NAALADL2: variants seen among roughly 807,000 people sequenced by gnomAD.
NAALADL2 encodes inactive N-acetylated-alpha-linked acidic dipeptidase-like protein 2.
Under a neutral mutation model 87.2 loss-of-function variants are expected in NAALADL2, and 76 were observed. That is an observed-to-expected ratio of 0.87 (90% CI 0.72 to 1.05). The LOEUF (loss-of-function observed/expected upper bound fraction) is 1.05. Ranked by LOEUF, NAALADL2 falls within the 50% of genes least tolerant of loss-of-function variation. The probability of loss-of-function intolerance (pLI) is 0.00; values close to 1 mark genes in which losing one functional copy is unlikely to be tolerated. For synonymous variants in NAALADL2, 354 were observed against 331.0 expected, an observed-to-expected ratio of 1.07 and a Z score of -0.75; for missense variants, 1,089 against 945.8, an observed-to-expected ratio of 1.15 and a Z score of -1.99.
intron 1 of NAALADL2, among the ~76,000 whole-genome samples, chr3:175,029,006 C>A (rs534444541): frequency 2.0e-5 from 3 of 148,910 alleles, no homozygotes; most frequent in South Asian, 4.2e-4. Context: ...ATTATGCAGT[C>A]TCTCCATGAA....
chr3:174,622,810 G>A (rs1297153174), intron 2 of NAALADL2, among the ~76,000 whole-genome samples: 1 of 152,182 alleles, frequency 6.6e-6, no homozygotes, highest in Non-Finnish European at 1.5e-5. Context: ...GGAGGCCGAG[G>A]CGGGCGAATC....
chr3:174,507,616 C>T (rs1458367396), intron 1 of NAALADL2, among the ~76,000 whole-genome samples: 2 of 135,612 alleles, frequency 1.5e-5, no homozygotes, highest in South Asian at 2.2e-4. Context: ...GATCTGCTTT[C>T]TACACAACAG....
At chr3:175,490,468 G>A (rs1444125411) in intron 9 of NAALADL2, among the ~76,000 whole-genome samples, 1 of 151,718 alleles carries the variant, frequency 6.6e-6, no homozygotes, top group Non-Finnish European at 1.5e-5. Context: ...CTCACTGCAA[G>A]CTCTGCCTCC....
At chr3:174,887,679 T>G (rs1286415984) in intron 1 of NAALADL2, among the ~76,000 whole-genome samples, 1 of 152,036 alleles carries the variant, frequency 6.6e-6, no homozygotes, top group African/African-American at 2.4e-5. Flanking sequence ...CACCTGTAGT[T>G]TCAGCTACTC....
chr3:175,184,371 A>G (rs1737025929), intron 2 of NAALADL2, among the ~76,000 whole-genome samples: 1 of 152,148 alleles, frequency 6.6e-6, no homozygotes, highest in South Asian at 2.1e-4. Flanking sequence ...AAATCTACAG[A>G]TAATGAACTA....
chr3:175,485,062 GT>G (rs1169463299), intron 9 of NAALADL2, among the ~76,000 whole-genome samples: 2 of 152,134 alleles, frequency 1.3e-5, no homozygotes, highest in African/African-American at 2.4e-5. Flanking sequence ...AGTGATCCTG[GT>G]TTAACAATGT....
At chr3:174,836,298 A>G (rs557212064) in intron 3 of NAALADL2, among the ~76,000 whole-genome samples, 7 of 152,286 alleles carry the variant, frequency 4.6e-5, no homozygotes, top group Middle Eastern at 6.8e-3. Flanking sequence ...TTATAGAGAT[A>G]GAGAGTAGAA....
chr3:174,647,553 G>A (rs1199862925), intron 2 of NAALADL2, among the ~76,000 whole-genome samples: 1 of 152,136 alleles, frequency 6.6e-6, no homozygotes, highest in Admixed American at 6.6e-5. Flanking sequence ...TGTTTTTAAT[G>A]TTGGCAACTA....
chr3:175,586,276 A>ACAG (rs58036535), intron 10 of NAALADL2, among the ~76,000 whole-genome samples: 25,574 of 152,140 alleles, frequency 0.17, 2,370 homozygotes, highest in African/African-American at 0.23. Flanking sequence ...CAAAGAAGAC[A>ACAG]TAGCCTTGAA....
chr3:175,312,864 A>G (rs932586083), intron 4 of NAALADL2, among the ~76,000 whole-genome samples: 1 of 152,238 alleles, frequency 6.6e-6, no homozygotes, highest in Non-Finnish European at 1.5e-5. Context: ...AGTTGACTCA[A>G]AGATCCAGAT....
intron 7 of NAALADL2, among the ~76,000 whole-genome samples, chr3:175,466,216 C>A (rs1328212534): frequency 6.6e-6 from 1 of 152,100 alleles, no homozygotes; most frequent in East Asian, 1.9e-4. Context: ...AAGATACTTG[C>A]TCAGATAAAT....
chr3:174,748,772 A>G (rs1361242667), intron 3 of NAALADL2, among the ~76,000 whole-genome samples: 1 of 152,190 alleles, frequency 6.6e-6, no homozygotes, highest in African/African-American at 2.4e-5. Context: ...TAGTGCAAAA[A>G]GCATGATTGT....
intron 2 of NAALADL2, among the ~76,000 whole-genome samples, chr3:175,146,542 T>C (rs1730774600): frequency 1.3e-5 from 2 of 152,130 alleles, no homozygotes; most frequent in Non-Finnish European, 2.9e-5. Context: ...ATGAAATTCA[T>C]AGAATATTAC....
At chr3:174,598,672 A>G (rs1718152750) in intron 2 of NAALADL2, among the ~76,000 whole-genome samples, 1 of 152,184 alleles carries the variant, frequency 6.6e-6, no homozygotes, top group African/African-American at 2.4e-5. Flanking sequence ...GGTCTCCTGT[A>G]GTAACTTAGT....
At chr3:175,527,900 C>T (rs534296825) in intron 9 of NAALADL2, among the ~76,000 whole-genome samples, 2 of 152,226 alleles carry the variant, frequency 1.3e-5, no homozygotes, top group East Asian at 3.9e-4. Context: ...TCTTTGTGCT[C>T]ATATTCTGGG....
intron 3 of NAALADL2, among the ~76,000 whole-genome samples, chr3:174,818,603 C>G (rs145926608): frequency 1.3e-4 from 20 of 152,234 alleles, no homozygotes; most frequent in African/African-American, 4.8e-4. Context: ...TTTCTCCTTC[C>G]TCTACCTGTC....
chr3:175,008,608 C>T (rs748251685), intron 1 of NAALADL2, among the ~76,000 whole-genome samples: 6 of 152,072 alleles, frequency 3.9e-5, no homozygotes, highest in Non-Finnish European at 1.5e-5. Context: ...ACATAAGCTC[C>T]CAATTTACCA....
At chr3:175,284,780 C>T (rs1016033609) in intron 4 of NAALADL2, among the ~76,000 whole-genome samples, 4 of 151,972 alleles carry the variant, frequency 2.6e-5, no homozygotes, top group Non-Finnish European at 5.9e-5. Flanking sequence ...ACTCAGTTGT[C>T]CTTGTATTTG....
At chr3:175,387,799 C>A (rs1368666029) in intron 5 of NAALADL2, among the ~76,000 whole-genome samples, 1 of 151,978 alleles carries the variant, frequency 6.6e-6, no homozygotes, top group Admixed American at 6.6e-5. Flanking sequence ...CTAAAATCTA[C>A]AATGTGTTGT....
Sources: gnomAD v4.1 joint callset for allele counts (sites outside exome capture counted in the v4.1 genomes callset) on GRCh38, gnomAD v4.1.1 for gene constraint, MANE v1.5 for transcripts, NCBI Gene and HGNC (gene_info 2026-07-23, HGNC 2026-07-21) for gene names.